Variants in SOX5 observed in about 807,000 individuals in gnomAD.
SOX5 encodes the protein SRY-box transcription factor 5.
A neutral mutation model predicts 92.0 loss-of-function variants in SOX5; 9 were observed. The ratio of observed to expected loss-of-function variants is 0.10; its 90% CI spans 0.06 to 0.17. The LOEUF is 0.17. Ranked by LOEUF, SOX5 falls within the 10% of genes least tolerant of loss-of-function variation. The probability of loss-of-function intolerance (pLI) is 1.00; values close to 1 mark genes in which losing one functional copy is unlikely to be tolerated. For synonymous variants in SOX5, 344 were observed against 336.3 expected (o/e 1.02, Z -0.25); for missense variants, 642 against 944.5 (o/e 0.68, Z 4.20).
At chr12:24,024,358 A>G (rs970796854) in intron 4 of SOX5, among the ~76,000 whole-genome samples, 2 of 152,038 alleles carry the variant, frequency 1.3e-5, no homozygotes, top group Non-Finnish European at 2.9e-5. Context: ...TGAATTTTAT[A>G]TTAAGACAAT....
intron 3 of SOX5, among the ~76,000 whole-genome samples, chr12:23,822,621 GCTGT>G (rs1388939466): frequency 6.6e-6 from 1 of 152,172 alleles, no homozygotes; most frequent in Non-Finnish European, 1.5e-5. Context: ...GAGTTCTGTA[GCTGT>G]CTATTAGGTC....
chr12:23,895,791 AC>A lies in SOX5; in HGVS notation c.270+1del. 6.3e-7 allele frequency: 1 copy of A among 1,595,106 alleles called. No homozygotes were observed. Among genetic ancestry groups the A allele is most frequent in the Non-Finnish European group, 8.6e-7 (1 of 1,162,744 alleles). On this transcript the variant is annotated splice_donor_variant, in intron 2 of 14. Transcript: ENST00000451604. LOFTEE classifies it high-confidence loss of function. Reference sequence around the variant, plus strand: ...AGGCACAATAAACCATGAGAAACCTACCATTGTATTGTGCTGAGAAGTGGGA... The same window carrying A: ...AGGCACAATAAACCATGAGAAACCTACATTGTATTGTGCTGAGAAGTGGGA...
At chr12:23,975,423 C>G (rs2140190361) in intron 4 of SOX5, among the ~76,000 whole-genome samples, 1 of 151,974 alleles carries the variant, frequency 6.6e-6, no homozygotes, top group East Asian at 1.9e-4. Context: ...CTTCATATAT[C>G]TAGATATAAC....
chr12:23,574,165 T>C (rs1948779611), intron 10 of SOX5, among the ~76,000 whole-genome samples: 1 of 152,080 alleles, frequency 6.6e-6, no homozygotes, highest in East Asian at 1.9e-4. Context: ...GCAATACCTA[T>C]GATTCTTCAC....
intron 9 of SOX5, 122 bp downstream of exon 9, chr12:23,604,265 T>C (rs1226821671): frequency 5.1e-6 from 5 of 987,062 alleles, no homozygotes; most frequent in Non-Finnish European, 4.6e-6. Flanking sequence ...CCTTACTTGA[T>C]TCTTACCTCC....
chr12:23,832,992 G>A (rs2096354655), intron 3 of SOX5, among the ~76,000 whole-genome samples: 1 of 151,950 alleles, frequency 6.6e-6, no homozygotes, highest in Admixed American at 6.6e-5. Context: ...ACTCAGGACT[G>A]AAACTCAAAC....
At chr12:23,805,432 G>GA (rs935445106) in intron 3 of SOX5, among the ~76,000 whole-genome samples, 105 of 149,614 alleles carry the variant, frequency 7.0e-4, no homozygotes, top group African/African-American at 2.3e-3. Flanking sequence ...CGCAATGCCT[G>GA]AAAAAAAAAC....
intron 3 of SOX5, among the ~76,000 whole-genome samples, chr12:23,838,813 C>T (rs561494434): frequency 3.5e-4 from 46 of 129,780 alleles, no homozygotes; most frequent in Middle Eastern, 0.012. Flanking sequence ...AGATATTACC[C>T]TTTTCTAATT....
At chr12:23,760,365 A>C (rs184347762) in intron 3 of SOX5, among the ~76,000 whole-genome samples, 1 of 152,190 alleles carries the variant, frequency 6.6e-6, no homozygotes, top group East Asian at 1.9e-4. Context: ...GGGAAAGGTA[A>C]ATGCTTATAT....
At chr12:23,643,072 G>A (rs1263312547) in intron 7 of SOX5, among the ~76,000 whole-genome samples, 1 of 85,364 alleles carries the variant, frequency 1.2e-5, no homozygotes, top group African/African-American at 3.9e-5. Flanking sequence ...GGGCGACAGA[G>A]CGAGACTCCG....
rs772474857 is a variant in SOX5 at position 23,640,911 on chromosome 12, T to C, written c.932-14A>G. The C allele has an allele frequency of 3.2e-6, 5 of 1,580,272 alleles. No homozygotes were observed. The highest frequency in any genetic ancestry group is 4.3e-6 in the Non-Finnish European group (5 of 1,153,184). On this transcript the variant is annotated splice_polypyrimidine_tract_variant and intron_variant, in intron 7 of 14. Transcript: ENST00000451604. ...GGTAAGGGTCACCTAAGTAAGAGAA[T>C]AATAGAGGCGTCAGCACCTTTTATC...
chr12:23,652,640 C>G (rs1326263376), intron 7 of SOX5, among the ~76,000 whole-genome samples: 1 of 151,284 alleles, frequency 6.6e-6, no homozygotes, highest in Non-Finnish European at 1.5e-5. Flanking sequence ...GTTCTTATAA[C>G]ACTTAGTGAC....
chr12:23,557,107 C>T (rs1448318741), intron 11 of SOX5, among the ~76,000 whole-genome samples: 1 of 152,116 alleles, frequency 6.6e-6, no homozygotes, highest in African/African-American at 2.4e-5. Context: ...AAGGGTTGGA[C>T]AATGGCAGGA....
chr12:24,092,583 T>G (rs566610408), intron 4 of SOX5, among the ~76,000 whole-genome samples: 1 of 152,264 alleles, frequency 6.6e-6, no homozygotes, highest in South Asian at 2.1e-4. Context: ...AAGTCTTGGG[T>G]AGTAAATTGA....
At chr12:24,070,202 T>C (rs1335972374) in intron 4 of SOX5, among the ~76,000 whole-genome samples, 1 of 152,190 alleles carries the variant, frequency 6.6e-6, no homozygotes, top group Non-Finnish European at 1.5e-5. Context: ...CATGTATATA[T>C]TTATGCTGTC....
chr12:24,500,978 G>A (rs1029582758), intron 1 of SOX5, among the ~76,000 whole-genome samples: 10 of 152,146 alleles, frequency 6.6e-5, no homozygotes, highest in Admixed American at 2.0e-4. Context: ...GCAGCAACAG[G>A]ATGTGCTGTG....
At chr12:23,578,677 C>T (rs906555413) in intron 9 of SOX5, among the ~76,000 whole-genome samples, 2 of 152,062 alleles carry the variant, frequency 1.3e-5, no homozygotes, top group Non-Finnish European at 2.9e-5. Context: ...AGATTAGAAT[C>T]CAGATCTACT....
In SOX5 at chr12:24,213,536, A is replaced by T. The variant is rs535491073; in HGVS notation, c.-76-119T>A. ...TAAATAAAAAAATTGAAAATGATAA[A>T]GATAGTTAAATGAGATTTCTATTGC... On this transcript the variant is annotated intron_variant, in intron 3 of 4. Transcript: ENST00000446891. The T allele has an allele frequency of 9.9e-5, 15 of 151,960 alleles. No homozygotes were observed. The South Asian group carries it at 1.9e-3, about 19-fold the overall frequency. 9.4% of individuals were successfully genotyped at this position (151,960 alleles called of 1,614,324 possible).
chr12:23,674,929 G>T (rs2085418857), intron 6 of SOX5, among the ~76,000 whole-genome samples: 1 of 152,032 alleles, frequency 6.6e-6, no homozygotes, highest in Non-Finnish European at 1.5e-5. Context: ...ATTTAACATA[G>T]TAATTGCCAT....
Sources: allele counts gnomAD v4.1 joint callset (sites outside exome capture counted in the v4.1 genomes callset), GRCh38; gene constraint gnomAD v4.1.1; transcripts MANE v1.5; gene names NCBI Gene and HGNC (gene_info 2026-07-23, HGNC 2026-07-21).